SON: variants seen among roughly 807,000 people sequenced by gnomAD.
SON encodes the protein protein SON.
A neutral mutation model predicts 173.3 loss-of-function variants in SON; 4 were observed. The ratio of observed to expected loss-of-function variants is 0.02; its 90% CI spans 0.01 to 0.05. SON has a LOEUF of 0.05. Ranked by LOEUF, SON falls within the 10% of genes least tolerant of loss-of-function variation. The probability of loss-of-function intolerance (pLI) is 1.00; values close to 1 mark genes in which losing one functional copy is unlikely to be tolerated. For synonymous variants in SON, 1,190 were observed against 1,105.9 expected, an observed-to-expected ratio of 1.08 and a Z score of -1.51; for missense variants, 2,626 against 3,055.3, an observed-to-expected ratio of 0.86 and a Z score of 3.31.
rs1053191522 is a variant in SON at position 33,557,140 on chromosome 21, A to G, written c.6161-16A>G. ...GTCTTTTAGGAAAACTGCAGCTTGT[A>G]TTTTTCTTCTTACAGATAAGGCTCA... On this transcript the variant is annotated splice_polypyrimidine_tract_variant and intron_variant, in intron 3 of 11. Coordinates refer to ENST00000356577, the MANE Select transcript of SON (RefSeq NM_138927.4). 1.9e-6 allele frequency: 3 copies of G among 1,597,930 alleles called. No homozygotes were observed. The South Asian group carries it at 3.4e-5, about 18-fold the overall frequency.
intron 6 of SON, chr21:33,560,107 C>A (rs1488298678): frequency 1.9e-6 from 3 of 1,613,446 alleles, no homozygotes; most frequent in South Asian, 2.2e-5. Flanking sequence ...CTTCAAGGCT[C>A]TATAGCTCTA....
Position 33,551,214 on chromosome 21 carries a change from A to G in SON, c.1983A>G (p.Thr661=), listed in dbSNP as rs1601261045. The G allele has an allele frequency of 1.2e-6, 2 of 1,614,076 alleles. No homozygotes were observed. Among genetic ancestry groups the G allele is most frequent in the Non-Finnish European group, 1.7e-6 (2 of 1,179,986 alleles). Residue 661 remains threonine (T), a synonymous_variant, in exon 3 of 12, where the codon ACA becomes ACG. Coordinates refer to ENST00000356577, the MANE Select transcript of SON (RefSeq NM_138927.4). ...LEISVQSVVT[T]SELSTMTVSQ... ...TCTCTGTTCAGTCTGTGGTGACAAC[A>G]TCGGAGCTGTCAACGATGACCGTGT...
In SON at chr21:33,551,246, C is replaced by G; in HGVS notation, c.2015C>G (p.Ser672Cys). 1 of 1,614,162 alleles carries G rather than the reference C, an allele frequency of 6.2e-7. No homozygotes were observed. Among genetic ancestry groups the G allele is most frequent in the Non-Finnish European group, 8.5e-7 (1 of 1,180,000 alleles). ...CTGTCAACGATGACCGTGTCGCAGT[C>G]CCTGGAGGTGCCCTCGACGACAGCG... is the stretch of plus-strand genomic sequence containing the variant. ...SELSTMTVSQSLEVPSTTALE... is the reference protein window; with the variant it reads ...SELSTMTVSQCLEVPSTTALE... The change falls in exon 3 of 12, where the codon TCC (serine) becomes TGC (cysteine). Residue 672 changes from serine to cysteine, a missense_variant. Transcript: ENST00000356577.
chr21:33,553,613 T>C lies in SON; in HGVS notation c.4382T>C (p.Ile1461Thr). Residue 1461 changes from isoleucine to threonine, a missense_variant, in exon 3 of 12, where the codon ATA becomes ACA. Ile to Thr is a moderately conservative substitution (Grantham distance 89). Around this residue, in one of 13 missense-constraint regions of SON, gnomAD observed 1,006 missense variants for 895.6 expected, o/e 1.12. Transcript: ENST00000356577. ...ACAGTCTCAGAGCAGACTCAAGTAA[T>C]ACCAACTGAGGTGGCTATAGAGTCC... ...AVTVSEQTQV[I>T]PTEVAIESTP... 1 of 1,614,014 alleles carries C rather than the reference T, an allele frequency of 6.2e-7. No homozygotes were observed. Among genetic ancestry groups the C allele is most frequent in the Non-Finnish European group, 8.5e-7 (1 of 1,179,964 alleles).
rs372750119 is a variant in SON at position 33,559,102 on chromosome 21, C to T, written c.6322-128C>T. On this transcript the variant is annotated intron_variant, in intron 4 of 11. Transcript: ENST00000356577. This position sits in a 1 kb window ranked among gnomAD's most constrained non-coding sequence, Gnocchi z 4.1. Reference sequence around the variant, plus strand: ...AAATAGTAGTTAATATGCCAAGTTACGTATCTATAACCTATCATGAATCTT... The same window carrying T: ...AAATAGTAGTTAATATGCCAAGTTATGTATCTATAACCTATCATGAATCTT... The T allele has an allele frequency of 9.1e-6, 6 of 661,272 alleles. No individual in the cohort carries two copies. Among genetic ancestry groups the T allele is most frequent in the African/African-American group, 3.8e-5 (2 of 52,692 alleles). The allele number at this position is 661,272 out of a possible 1,614,324, so 41.0% of individuals were successfully genotyped here. A position where few individuals can be genotyped will look rare whatever the true frequency, so the allele number is the denominator to read the frequency against.
rs772345233 is a variant in SON at position 33,551,241 on chromosome 21, G to A, written c.2010G>A (p.Ser670=). 1.3e-5 allele frequency: 21 copies of A among 1,614,042 alleles called. No individual in the cohort carries two copies. The highest frequency in any genetic ancestry group is 8.3e-5 in the Admixed American group (5 of 60,006). ...TTSELSTMTV[S]QSLEVPSTTA... is the part of the protein sequence containing the mutation. ...CGGAGCTGTCAACGATGACCGTGTC[G>A]CAGTCCCTGGAGGTGCCCTCGACGA... is the stretch of plus-strand genomic sequence containing the variant. Residue 670 remains serine, a synonymous_variant, in exon 3 of 12, where the codon TCG becomes TCA. Transcript: ENST00000356577.
chr21:33,575,042 T>A (rs1437154876), intron 9 of SON, among the ~76,000 whole-genome samples: 1 of 152,148 alleles, frequency 6.6e-6, no homozygotes, highest in African/African-American at 2.4e-5. Context: ...GGCAATAAGC[T>A]ATTTTTTTTC....
chr21:33,574,451 TTC>T (rs2086354492), intron 9 of SON, among the ~76,000 whole-genome samples: 1 of 152,204 alleles, frequency 6.6e-6, no homozygotes, highest in African/African-American at 2.4e-5. Flanking sequence ...AACCACAGAT[TTC>T]CCAGGATAGG....
At chr21:33,544,368 C>T (rs991475941) in intron 1 of SON, among the ~76,000 whole-genome samples, 3 of 152,144 alleles carry the variant, frequency 2.0e-5, no homozygotes, top group African/African-American at 7.2e-5. Flanking sequence ...ATATAATTTT[C>T]CTGACAAATC....
Position 33,550,717 on chromosome 21 carries a change from G to C in SON, c.1486G>C (p.Ala496Pro), listed in dbSNP as rs1403561725. The C allele has an allele frequency of 6.2e-7, 1 of 1,614,044 alleles. No individual in the cohort carries two copies. The highest frequency in any genetic ancestry group is 1.3e-5 in the African/African-American group (1 of 74,914). Residue 496 changes from alanine (A) to proline (P), a missense_variant, in exon 3 of 12, where the codon GCG becomes CCG. By Grantham distance (27) the Ala-to-Pro change is conservative. Coordinates refer to ENST00000356577, the MANE Select transcript of SON (RefSeq NM_138927.4). Reference protein sequence around the residue: ...TAAVELPEQPAVTVAMELTEQ... With the variant: ...TAAVELPEQPPVTVAMELTEQ... ...AGCAGTAGAGTTGCCAGAGCAGCCT[G>C]CGGTAACAGTAGCAATGGAGTTGAC... is the stretch of plus-strand genomic sequence containing the variant.
Position 33,551,590 on chromosome 21 carries a change from G to A in SON, c.2359G>A (p.Ala787Thr). 4 of 1,613,334 alleles carry A rather than the reference G, an allele frequency of 2.5e-6. No homozygotes were observed. Among genetic ancestry groups the A allele is most frequent in the Non-Finnish European group, 3.4e-6 (4 of 1,179,966 alleles). Reference protein sequence around the residue: ...ATSSMDSQMLATSTMDSQMLA... With the variant: ...ATSSMDSQMLTTSTMDSQMLA... ...TAGCTCCATGGACTCCCAGATGTTA[G>A]CAACTAGCACTATGGACTCCCAGAT... Residue 787 changes from alanine (A) to threonine (T), a missense_variant, in exon 3 of 12, where the codon GCA (alanine) becomes ACA (threonine). By Grantham distance (58) the Ala-to-Thr change is moderately conservative. Transcript: ENST00000356577.
chr21:33,558,725 A>G (rs1169270265), intron 4 of SON: 1 of 152,056 alleles, frequency 6.6e-6, no homozygotes, highest in Non-Finnish European at 1.5e-5. Context: ...TTTGTTCTTT[A>G]CTATGAAAAT....
chr21:33,551,336 CAGT>C lies in SON; in HGVS notation c.2108_2110del (p.Val703del). The C allele has an allele frequency of 6.2e-6, 10 of 1,614,138 alleles. No individual in the cohort carries two copies. The highest frequency in any genetic ancestry group is 8.5e-6 in the Non-Finnish European group (10 of 1,179,988). On this transcript the variant is annotated inframe_deletion, in exon 3 of 12. Transcript: ENST00000356577. ...ACATTAGTGGGGGAGACTTCTGTAA[CAGT>C]AGGAGTGGATCCCTTGATGGCCCCA...
At chr21:33,565,354 G>T (rs1208936415) in intron 6 of SON, among the ~76,000 whole-genome samples, 1 of 152,138 alleles carries the variant, frequency 6.6e-6, no homozygotes, top group Non-Finnish European at 1.5e-5. Flanking sequence ...TTATGCCTAA[G>T]CACCCTAACA....
chr21:33,551,017 T>G lies in SON; in HGVS notation c.1786T>G (p.Leu596Val), dbSNP rs1223839572. ...GQPVATGALE[L>V]PGPLMAAGAL... The stretch of plus-strand genomic sequence containing the variant: ...GCCTGTGGCAACTGGGGCACTAGAG[T>G]TGCCTGGGCCGCTCATGGCAGCTGG... The change falls in exon 3 of 12, where the codon TTG becomes GTG. Residue 596 changes from leucine to valine, a missense_variant. Physicochemically the swap from Leu to Val is conservative, Grantham distance 32. Coordinates refer to ENST00000356577, the MANE Select transcript of SON (RefSeq NM_138927.4). 3 of 1,607,166 alleles carry G rather than the reference T, an allele frequency of 1.9e-6. No individual in the cohort carries two copies. The highest frequency in any genetic ancestry group is 2.5e-6 in the Non-Finnish European group (3 of 1,176,496).
rs2085811341 is a variant in SON, at chr21:33,552,122, G to A, written c.2891G>A (p.Arg964Lys). Residue 964 changes from arginine to lysine, a missense_variant, in exon 3 of 12, where the codon AGG (arginine) becomes AAG (lysine). Transcript: ENST00000356577. This position sits in a 1 kb window ranked among gnomAD's most constrained non-coding sequence, Gnocchi z 5.6. ...TACAGACTAACTCCTGATCCCTATA[G>A]GATGTCACCTAGACCCTACAGGATA... is the stretch of plus-strand genomic sequence containing the variant. ...DPYRLTPDPY[R>K]MSPRPYRIAP... 1 of 1,614,076 alleles carries A rather than the reference G, an allele frequency of 6.2e-7. No individual in the cohort carries two copies. Among genetic ancestry groups the A allele is most frequent in the African/African-American group, 1.3e-5 (1 of 75,000 alleles).
At chr21:33,573,536 T>C in intron 9 of SON, 81 bp downstream of exon 9, 5 of 1,263,868 alleles carry the variant, frequency 4.0e-6, no homozygotes, top group Non-Finnish European at 5.5e-6. Context: ...CCAGTGATAC[T>C]GAACTGAAGG....
At position 33,552,875 on chromosome 21, in the gene SON, T is replaced by A. The variant is rs149427101; in HGVS notation, c.3644T>A (p.Val1215Glu). ...EESVSQPEPP[V>E]SQSEISEPSA... is the part of the protein sequence containing the mutation. ...TCTGTATCGCAGCCTGAGCCTCCTG[T>A]GAGTCAAAGTGAGATTTCGGAGCCT... The change falls in exon 3 of 12, where the codon GTG (valine) becomes GAG (glutamate). Residue 1215 changes from valine (V) to glutamate (E), a missense_variant. Physicochemically the swap from Val to Glu is moderately radical, Grantham distance 121. Around this residue, in one of 13 missense-constraint regions of SON, gnomAD observed 1,006 missense variants for 895.6 expected, o/e 1.12. Coordinates refer to ENST00000356577, the MANE Select transcript of SON (RefSeq NM_138927.4). The surrounding 1 kb of genome is among the most constrained non-coding windows in gnomAD (Gnocchi z 5.6). The A allele has an allele frequency of 5.3e-5, 85 of 1,613,712 alleles. 5 individuals are homozygous for A. The Middle Eastern group carries it at 8.7e-3, about 165-fold the overall frequency.
Position 33,576,529 on chromosome 21 carries a change from G to A in SON, c.*105G>A. ...TCAAGCAATGGGCCTTGTACCAAAG[G>A]ACCTCATGGCTAATGCCACTTGCTT... On this transcript the variant is annotated 3_prime_UTR_variant, in exon 12 of 12. Transcript: ENST00000356577. The A allele has an allele frequency of 1.2e-6, 1 of 801,712 alleles. No individual in the cohort carries two copies. Among genetic ancestry groups the A allele is most frequent in the Non-Finnish European group, 2.3e-6 (1 of 438,242 alleles). 49.7% of individuals were successfully genotyped at this position (801,712 alleles called of 1,614,324 possible).
Sources: gnomAD v4.1 joint callset for allele counts (sites outside exome capture counted in the v4.1 genomes callset) on GRCh38, gnomAD v4.1.1 for gene constraint, gnomAD v4.1.1 regional missense constraint, Gnocchi (gnomAD v3.1) non-coding constraint, MANE v1.5 for transcripts, NCBI Gene and HGNC (gene_info 2026-07-23, HGNC 2026-07-21) for gene names.